CNTNAP2: variants seen among roughly 807,000 people sequenced by gnomAD.
CNTNAP2 encodes the protein contactin associated protein 2, also known as contactin-associated protein-like 2.
In CNTNAP2, 98 loss-of-function variants were observed where a neutral mutation model predicts 155.2. The observed-to-expected ratio is 0.63, with a 90% CI of 0.54 to 0.75. The LOEUF (loss-of-function observed/expected upper bound fraction) is 0.75. CNTNAP2 is among the 30% of genes least tolerant of loss of function. The pLI is 0.00. For synonymous variants in CNTNAP2, 651 were observed against 631.2 expected, an observed-to-expected ratio of 1.03 and a Z score of -0.47; for missense variants, 1,727 against 1,688.1, an observed-to-expected ratio of 1.02 and a Z score of -0.40.
chr7:148,223,392 C>G (rs569693330), intron 19 of CNTNAP2, among the ~76,000 whole-genome samples: 2 of 152,206 alleles, frequency 1.3e-5, no homozygotes, highest in South Asian at 4.1e-4. Context: ...CGATCAGTAC[C>G]CTGTAAGTGT....
chr7:148,069,478 C>T (rs770625258), intron 15 of CNTNAP2, among the ~76,000 whole-genome samples: 8 of 151,890 alleles, frequency 5.3e-5, no homozygotes, highest in Non-Finnish European at 7.4e-5. Flanking sequence ...AAAAGAAGGG[C>T]GAGGCCGGGC....
chr7:148,145,608 A>G (rs978852371), intron 16 of CNTNAP2, among the ~76,000 whole-genome samples: 8 of 152,216 alleles, frequency 5.3e-5, no homozygotes, highest in African/African-American at 1.4e-4. Flanking sequence ...TGTTCTGACA[A>G]CTTACATTTA....
intron 1 of CNTNAP2, among the ~76,000 whole-genome samples, chr7:146,374,529 A>G (rs73469573): frequency 0.028 from 4,304 of 152,276 alleles, 187 homozygotes; most frequent in African/African-American, 0.098. Context: ...TTAAGGAAAG[A>G]GCCTGTTCTT....
intron 15 of CNTNAP2, among the ~76,000 whole-genome samples, chr7:148,098,795 G>A (rs1804027490): frequency 6.6e-6 from 1 of 152,134 alleles, no homozygotes; most frequent in South Asian, 2.1e-4. Flanking sequence ...ACAAAATATG[G>A]CTGAGGGTGA....
At chr7:146,123,532 A>G (rs1303578003) in intron 1 of CNTNAP2, among the ~76,000 whole-genome samples, 1 of 152,204 alleles carries the variant, frequency 6.6e-6, no homozygotes, top group Non-Finnish European at 1.5e-5. Context: ...ATCAAGTTAC[A>G]TAAAGTTTAG....
intron 13 of CNTNAP2, among the ~76,000 whole-genome samples, chr7:147,822,242 G>A (rs851657): frequency 0.59 from 89,822 of 151,880 alleles, 26,648 homozygotes; most frequent in Middle Eastern, 0.68. Context: ...AAATAAAGAA[G>A]TGAAGAAAGA....
intron 1 of CNTNAP2, among the ~76,000 whole-genome samples, chr7:146,409,548 A>G (rs1274994810): frequency 6.6e-6 from 1 of 152,172 alleles, no homozygotes; most frequent in Non-Finnish European, 1.5e-5. Context: ...TAAATATCAG[A>G]TATGTCAATA....
At chr7:147,465,918 A>G (rs1266171102) in intron 10 of CNTNAP2, among the ~76,000 whole-genome samples, 1 of 117,214 alleles carries the variant, frequency 8.5e-6, no homozygotes, top group Admixed American at 9.6e-5. Flanking sequence ...CGTTTTAAAT[A>G]AGTTAATTGT....
intron 18 of CNTNAP2, among the ~76,000 whole-genome samples, chr7:148,191,592 T>C (rs2116718005): frequency 6.6e-6 from 1 of 152,288 alleles, no homozygotes; most frequent in South Asian, 2.1e-4. Flanking sequence ...CATGGTCAGG[T>C]GCTGGTGAGG....
chr7:147,724,718 T>G (rs554890265), intron 13 of CNTNAP2, among the ~76,000 whole-genome samples: 1 of 152,170 alleles, frequency 6.6e-6, no homozygotes, highest in East Asian at 1.9e-4. Context: ...TTCTCCTTCC[T>G]ATATTACACT....
chr7:146,342,905 G>A (rs191239439), intron 1 of CNTNAP2, among the ~76,000 whole-genome samples: 33 of 152,270 alleles, frequency 2.2e-4, no homozygotes, highest in Non-Finnish European at 3.8e-4. Flanking sequence ...TTTTTCAAAT[G>A]TAACTGCAGA....
rs781118164 is a variant in CNTNAP2, at chr7:148,068,170, C to G, written c.2384-49948C>G. ...TACACTTTCTGTTCACCCCCTACCC[C>G]ACCCCTGCCCCAGATTGTGCCCAGA... On this transcript the variant is annotated intron_variant, in intron 15 of 23. Coordinates refer to ENST00000361727, the MANE Select transcript of CNTNAP2 (RefSeq NM_014141.6). 2.6e-5 allele frequency among the ~76,000 whole-genome samples: 4 copies of G among 152,290 alleles called. No homozygotes were observed. The South Asian group carries it at 8.3e-4, about 32-fold the overall frequency.
intron 23 of CNTNAP2, among the ~76,000 whole-genome samples, chr7:148,411,181 C>G (rs1016298825): frequency 1.3e-5 from 2 of 152,110 alleles, no homozygotes; most frequent in Non-Finnish European, 2.9e-5. Context: ...ATTAAGATCC[C>G]AATCCTCACT....
At chr7:147,975,799 A>G (rs1394709330) in intron 14 of CNTNAP2, among the ~76,000 whole-genome samples, 1 of 152,124 alleles carries the variant, frequency 6.6e-6, no homozygotes, top group Non-Finnish European at 1.5e-5. Flanking sequence ...CCCTTGCTCA[A>G]CTTTGGAAAC....
At chr7:147,573,094 GT>G (rs1800325834) in intron 12 of CNTNAP2, among the ~76,000 whole-genome samples, 2 of 152,130 alleles carry the variant, frequency 1.3e-5, no homozygotes, top group African/African-American at 4.8e-5. Context: ...AATATTTAAA[GT>G]TTTATTTCCT....
chr7:147,089,987 T>G (rs1800366456), intron 4 of CNTNAP2, among the ~76,000 whole-genome samples: 1 of 152,198 alleles, frequency 6.6e-6, no homozygotes. Flanking sequence ...TATGTATTTT[T>G]TCAGCTTTCA....
At chr7:147,460,196 C>G (rs1399539242) in intron 10 of CNTNAP2, among the ~76,000 whole-genome samples, 1 of 151,956 alleles carries the variant, frequency 6.6e-6, no homozygotes, top group Non-Finnish European at 1.5e-5. Flanking sequence ...GGCCAGGACC[C>G]CATTTCATCT....
chr7:146,637,908 G>A (rs963225901), intron 1 of CNTNAP2, among the ~76,000 whole-genome samples: 1 of 152,066 alleles, frequency 6.6e-6, no homozygotes, highest in Non-Finnish European at 1.5e-5. Flanking sequence ...CAACATATAT[G>A]TTATTTGATT....
At chr7:147,431,799 C>A (rs1797471194) in intron 10 of CNTNAP2, among the ~76,000 whole-genome samples, 1 of 152,154 alleles carries the variant, frequency 6.6e-6, no homozygotes, top group Non-Finnish European at 1.5e-5. Context: ...GTTCTGCCTG[C>A]CCCTGCTAAT....
Sources: gnomAD v4.1 joint callset for allele counts (sites outside exome capture counted in the v4.1 genomes callset) on GRCh38, gnomAD v4.1.1 for gene constraint, MANE v1.5 for transcripts, NCBI Gene and HGNC (gene_info 2026-07-23, HGNC 2026-07-21) for gene names.